Variants in DPYSL2 observed in about 807,000 individuals in gnomAD.
DPYSL2 encodes dihydropyrimidinase like 2, also known as dihydropyrimidinase-related protein 2.
In DPYSL2, 13 loss-of-function variants were observed where a neutral mutation model predicts 69.9. The observed-to-expected ratio is 0.19, with a 90% CI of 0.12 to 0.30. The LOEUF is 0.30. Ranked by LOEUF, DPYSL2 falls within the 10% of genes least tolerant of loss-of-function variation. The probability of loss-of-function intolerance (pLI) is 1.00; values close to 1 mark genes in which losing one functional copy is unlikely to be tolerated. For synonymous variants in DPYSL2, 326 were observed against 359.1 expected (o/e 0.91, Z 1.04); for missense variants, 587 against 918.9 (o/e 0.64, Z 4.67).
intron 2 of DPYSL2, among the ~76,000 whole-genome samples, chr8:26,583,474 C>CAAGTGCTGTA (rs1801532991): frequency 6.6e-6 from 1 of 152,110 alleles, no homozygotes; most frequent in African/African-American, 2.4e-5. Context: ...AGCTCAATTG[C>CAAGTGCTGTA]AAGTGCTGTA....
At chr8:26,581,855 C>G in intron 1 of DPYSL2, 114 bp from the exon 2 acceptor site, 1 of 818,464 alleles carries the variant, frequency 1.2e-6, no homozygotes, top group Non-Finnish European at 2.0e-6. Flanking sequence ...CCAAAATGGG[C>G]TTATTTTGAA....
intron 3 of DPYSL2, among the ~76,000 whole-genome samples, chr8:26,603,695 C>T (rs988491633): frequency 6.6e-6 from 1 of 152,134 alleles, no homozygotes; most frequent in South Asian, 2.1e-4. Context: ...CCTGGTGGCC[C>T]CTATTCTATT....
chr8:26,626,533 A>G lies in DPYSL2; in HGVS notation c.794-84A>G. ...CACACACACACACACGTACACACAC[A>G]GACAGTATTATCACTTTCTTATCCC... On this transcript the variant is annotated intron_variant, in intron 4 of 13. Transcript: ENST00000521913. The surrounding 1 kb of genome is among the most constrained non-coding windows in gnomAD (Gnocchi z 4.3). 1 of 1,208,864 alleles carries G rather than the reference A, an allele frequency of 8.3e-7. No individual in the cohort carries two copies. The allele number at this position is 1,208,864 out of a possible 1,614,324, so 74.9% of individuals were successfully genotyped here.
rs1803432792 is a variant in DPYSL2, at chr8:26,658,043, C to A, written c.*2337C>A. The A allele has an allele frequency of 6.7e-6, 1 of 149,112 alleles. No homozygotes were observed. The highest frequency in any genetic ancestry group is 1.5e-5 in the Non-Finnish European group (1 of 67,028). The allele number at this position is 149,112 out of a possible 1,614,324, so 9.2% of individuals were successfully genotyped here. A position where few individuals can be genotyped will look rare whatever the true frequency, so the allele number is the denominator to read the frequency against. ...GATAAAGTGTGTAGCCAGAAGAGTA[C>A]TTTTTTTTTTGTAACCACTGTCTTG... is the stretch of plus-strand genomic sequence containing the variant. On this transcript the variant is annotated 3_prime_UTR_variant, in exon 14 of 14. Transcript: ENST00000521913. This position sits in a 1 kb window ranked among gnomAD's most constrained non-coding sequence, Gnocchi z 4.7.
intron 1 of DPYSL2, among the ~76,000 whole-genome samples, chr8:26,540,655 T>C (rs1585497201): frequency 6.6e-6 from 1 of 152,224 alleles, no homozygotes; most frequent in African/African-American, 2.4e-5. Context: ...CCTGTAATCC[T>C]AGCACTTTGG....
chr8:26,573,396 C>T (rs1267135089), intron 1 of DPYSL2, among the ~76,000 whole-genome samples: 4 of 151,160 alleles, frequency 2.6e-5, no homozygotes, highest in African/African-American at 9.7e-5. Flanking sequence ...TGGCCGGGCG[C>T]GGTGGCTCAC....
At chr8:26,546,879 C>T (rs566622521) in intron 1 of DPYSL2, among the ~76,000 whole-genome samples, 3 of 132,188 alleles carry the variant, frequency 2.3e-5, no homozygotes, top group Non-Finnish European at 4.7e-5. Flanking sequence ...CGAGATCGCG[C>T]CACTGCACTC....
chr8:26,601,670 C>T (rs191990498), intron 3 of DPYSL2, among the ~76,000 whole-genome samples: 3 of 152,384 alleles, frequency 2.0e-5, no homozygotes, highest in Admixed American at 2.0e-4. Context: ...AGCCACAGCG[C>T]CTGGGCCCTC....
rs376884729 is a variant in DPYSL2, at chr8:26,613,617, C to T, written c.629-10526C>T. On this transcript the variant is annotated intron_variant, in intron 3 of 13. Coordinates refer to ENST00000521913, the MANE Select transcript of DPYSL2 (RefSeq NM_001197293.3). ...AGTGATGAGGAAGACTGAATGCTGA[C>T]GGACGGGAGGAAGGAAGTCAGGAGA... is the stretch of plus-strand genomic sequence containing the variant. Among the ~76,000 whole-genome samples, 38 of 152,200 alleles carry T rather than the reference C, an allele frequency of 2.5e-4. 1 individual carries two copies. The East Asian group carries it at 5.4e-3, about 22-fold the overall frequency.
At chr8:26,596,505 G>A (rs1275326325) in intron 3 of DPYSL2, among the ~76,000 whole-genome samples, 1 of 152,208 alleles carries the variant, frequency 6.6e-6, no homozygotes, top group East Asian at 1.9e-4. Flanking sequence ...AGACCTGCCG[G>A]GAGTCATGGG....
chr8:26,627,553 G>A lies in DPYSL2; in HGVS notation c.936+258G>A, dbSNP rs1456035642. 6.6e-6 allele frequency among the ~76,000 whole-genome samples: 1 copy of A among 152,184 alleles called. No individual in the cohort carries two copies. Among genetic ancestry groups the A allele is most frequent in the Non-Finnish European group, 1.5e-5 (1 of 68,032 alleles). ...TTTCTCTCGGTGCTGTAACGCAGCT[G>A]CCTTGGGTGGGGTACGGGAACCCTC... On this transcript the variant is annotated intron_variant, in intron 6 of 13. Coordinates refer to ENST00000521913, the MANE Select transcript of DPYSL2 (RefSeq NM_001197293.3). The surrounding 1 kb of genome is among the most constrained non-coding windows in gnomAD (Gnocchi z 6.9).
rs560501091 is a variant in DPYSL2 at position 26,627,696 on chromosome 8, C to A, written c.937-176C>A. 4.8e-4 allele frequency among the ~76,000 whole-genome samples: 73 copies of A among 152,258 alleles called. No homozygotes were observed. In the South Asian group the frequency reaches 5.0e-3, roughly 10 times the overall value. ...CTGTAATTGATCCATCCTGCTCAGG[C>A]GGGACTGGGAACAGGGCAGTGAACC... is the stretch of plus-strand genomic sequence containing the variant. On this transcript the variant is annotated intron_variant, in intron 6 of 13. Transcript: ENST00000521913. The surrounding 1 kb of genome is among the most constrained non-coding windows in gnomAD (Gnocchi z 6.9).
chr8:26,618,474 G>A (rs1193586196), intron 3 of DPYSL2, among the ~76,000 whole-genome samples: 2 of 136,374 alleles, frequency 1.5e-5, no homozygotes, highest in African/African-American at 2.7e-5. Context: ...CACCATGCCC[G>A]GGTAATGTTT....
chr8:26,648,197 G>A lies in DPYSL2; in HGVS notation c.1596+397G>A, dbSNP rs1308791952. On this transcript the variant is annotated intron_variant, in intron 11 of 13. Coordinates refer to ENST00000521913, the MANE Select transcript of DPYSL2 (RefSeq NM_001197293.3). The surrounding 1 kb of genome is among the most constrained non-coding windows in gnomAD (Gnocchi z 4.3). ...TGTCCTCTCCTGAGATGCCCACTGG[G>A]GACTTTGATCCTCTTAAGCCATTGT... Among the ~76,000 whole-genome samples, 1 of 152,130 alleles carries A rather than the reference G, an allele frequency of 6.6e-6. No homozygotes were observed. Among genetic ancestry groups the A allele is most frequent in the Admixed American group, 6.5e-5 (1 of 15,274 alleles).
At chr8:26,633,242 G>A (rs1467378107) in intron 7 of DPYSL2, among the ~76,000 whole-genome samples, 1 of 152,224 alleles carries the variant, frequency 6.6e-6, no homozygotes, top group Non-Finnish European at 1.5e-5. Context: ...TAAGCAGTGA[G>A]TAAGCCCCAG....
chr8:26,552,822 G>T (rs73226145), intron 1 of DPYSL2, among the ~76,000 whole-genome samples: 14,137 of 152,204 alleles, frequency 0.093, 864 homozygotes, highest in Middle Eastern at 0.17. Flanking sequence ...ACCTTCCAAA[G>T]ATTCTACCTC....
In DPYSL2 at chr8:26,620,445, G is replaced by A. The variant is rs889536303; in HGVS notation, c.629-3698G>A. On this transcript the variant is annotated intron_variant, in intron 3 of 13. Coordinates refer to ENST00000521913, the MANE Select transcript of DPYSL2 (RefSeq NM_001197293.3). This position sits in a 1 kb window ranked among gnomAD's most constrained non-coding sequence, Gnocchi z 4.5. Reference sequence around the variant, plus strand: ...TTAATTTTGTATTTTTAGTAGAGACGAGGTTTCATCATGTTGCCCAGGCTG... The same window carrying A: ...TTAATTTTGTATTTTTAGTAGAGACAAGGTTTCATCATGTTGCCCAGGCTG... 2.6e-5 allele frequency among the ~76,000 whole-genome samples: 4 copies of A among 151,500 alleles called. No homozygotes were observed. The highest frequency in any genetic ancestry group is 4.4e-5 in the Non-Finnish European group (3 of 67,840).
intron 1 of DPYSL2, among the ~76,000 whole-genome samples, chr8:26,538,899 A>G (rs56884376): frequency 0.043 from 6,624 of 152,284 alleles, 274 homozygotes; most frequent in African/African-American, 0.11. Flanking sequence ...AAGGACCCCA[A>G]CAACCCTCAT....
rs986218226 is a variant in DPYSL2 at position 26,514,202 on chromosome 8, C to T, written c.-124C>T. 1 of 872,838 alleles carries T rather than the reference C, an allele frequency of 1.1e-6. No homozygotes were observed. The highest frequency in any genetic ancestry group is 3.3e-5 in the East Asian group (1 of 30,434). The allele number at this position is 872,838 out of a possible 1,614,324, so 54.1% of individuals were successfully genotyped here. A position where few individuals can be genotyped will look rare whatever the true frequency, so the allele number is the denominator to read the frequency against. The stretch of plus-strand genomic sequence containing the variant: ...CCAGCCCTCCTTCCTTTCTGTGCAC[C>T]TTGCGGTGGGCGGCGAACGGCAGCC... On this transcript the variant is annotated 5_prime_UTR_variant, in exon 1 of 14. Transcript: ENST00000521913. The surrounding 1 kb of genome is among the most constrained non-coding windows in gnomAD (Gnocchi z 8.4).
Sources: gnomAD v4.1 joint callset for allele counts (sites outside exome capture counted in the v4.1 genomes callset) on GRCh38, gnomAD v4.1.1 for gene constraint, Gnocchi (gnomAD v3.1) non-coding constraint, MANE v1.5 for transcripts, NCBI Gene and HGNC (gene_info 2026-07-23, HGNC 2026-07-21) for gene names.